Variants in IQCM observed in about 807,000 individuals in gnomAD.
IQCM encodes IQ motif containing M.
IQCM carries 45 observed loss-of-function variants against 57.6 expected under a neutral mutation model. The observed-to-expected ratio is 0.78, with a 90% CI of 0.62 to 1.00. The LOEUF (loss-of-function observed/expected upper bound fraction) is 1.00. Ranked by LOEUF, IQCM falls within the 50% of genes least tolerant of loss-of-function variation. IQCM has a pLI of 0.00. For missense variants in IQCM, 468 were observed against 511.6 expected (o/e 0.91, Z 0.82); for synonymous variants, 148 against 158.9 (o/e 0.93, Z 0.51).
intron 12 of IQCM, among the ~76,000 whole-genome samples, chr4:149,542,337 C>A (rs1161837776): frequency 1.3e-5 from 2 of 152,010 alleles, no homozygotes; most frequent in Admixed American, 6.6e-5. Context: ...TATTGCAAGG[C>A]ATTAAGCTAG....
At chr4:149,724,414 A>G (rs1765710829) in intron 5 of IQCM, among the ~76,000 whole-genome samples, 1 of 151,992 alleles carries the variant, frequency 6.6e-6, no homozygotes, top group African/African-American at 2.4e-5. Flanking sequence ...CTCATTTTAT[A>G]TATAAAGGAA....
At chr4:149,763,223 A>T (rs1769709150) in intron 2 of IQCM, among the ~76,000 whole-genome samples, 1 of 152,078 alleles carries the variant, frequency 6.6e-6, no homozygotes, top group Non-Finnish European at 1.5e-5. Flanking sequence ...GTATAGCATG[A>T]TTTATATGAC....
chr4:149,776,843 C>T, intron 2 of IQCM, among the ~76,000 whole-genome samples: 1 of 151,684 alleles, frequency 6.6e-6, no homozygotes, highest in East Asian at 1.9e-4. Context: ...ATTCAAGAGT[C>T]TATAATAAAA....
intron 12 of IQCM, among the ~76,000 whole-genome samples, chr4:149,525,697 G>A (rs1207444532): frequency 6.6e-6 from 1 of 151,734 alleles, no homozygotes; most frequent in Non-Finnish European, 1.5e-5. Context: ...TGTGTACCTT[G>A]GAGTTTGAAA....
chr4:149,468,595 A>T (rs1244160663), intron 12 of IQCM, among the ~76,000 whole-genome samples: 1 of 152,186 alleles, frequency 6.6e-6, no homozygotes, highest in African/African-American at 2.4e-5. Context: ...TGCAGATTAA[A>T]CATCCCTGTC....
intron 2 of IQCM, among the ~76,000 whole-genome samples, chr4:149,812,733 C>A (rs1774699746): frequency 6.6e-6 from 1 of 152,068 alleles, no homozygotes; most frequent in African/African-American, 2.4e-5. Context: ...TGCCCTTATA[C>A]CAGGTATAAA....
chr4:149,762,487 A>G (rs1199041698), intron 2 of IQCM, among the ~76,000 whole-genome samples: 1 of 152,030 alleles, frequency 6.6e-6, no homozygotes, highest in Non-Finnish European at 1.5e-5. Context: ...AAAGTAATGA[A>G]CAGAACAAGA....
intron 2 of IQCM, among the ~76,000 whole-genome samples, chr4:149,781,340 T>C (rs1771585441): frequency 6.6e-6 from 1 of 152,212 alleles, no homozygotes; most frequent in Non-Finnish European, 1.5e-5. Context: ...TTGAGTAGCA[T>C]GATGAAATCT....
chr4:149,417,813 CT>C (rs927761289), intron 13 of IQCM, among the ~76,000 whole-genome samples: 5 of 147,726 alleles, frequency 3.4e-5, no homozygotes, highest in Non-Finnish European at 5.9e-5. Context: ...CTCTATTTCC[CT>C]TTTTCCTTTT....
chr4:149,747,031 C>G (rs553605652), intron 2 of IQCM, among the ~76,000 whole-genome samples: 2 of 152,286 alleles, frequency 1.3e-5, no homozygotes, highest in African/African-American at 2.4e-5. Context: ...AAGTATAAGC[C>G]CCCTTCCACT....
chr4:149,721,725 G>A (rs955412404), intron 5 of IQCM, among the ~76,000 whole-genome samples: 9 of 152,000 alleles, frequency 5.9e-5, no homozygotes, highest in African/African-American at 2.2e-4. Flanking sequence ...CCATATCTTC[G>A]CAATTGTGAA....
chr4:149,745,940 C>A (rs1015400818), intron 2 of IQCM, among the ~76,000 whole-genome samples: 2 of 151,888 alleles, frequency 1.3e-5, no homozygotes, highest in Admixed American at 6.6e-5. Context: ...CCACTGCATT[C>A]CAGCCTGGGC....
At chr4:149,480,168 T>A (rs555024646) in intron 12 of IQCM, among the ~76,000 whole-genome samples, 2 of 152,268 alleles carry the variant, frequency 1.3e-5, no homozygotes, top group East Asian at 3.9e-4. Context: ...TTTTTTTTAG[T>A]TTTTTTCTTT....
At chr4:149,621,337 T>A in intron 7 of IQCM, 93 bp from the exon 8 acceptor site, 1 of 472,260 alleles carries the variant, frequency 2.1e-6, no homozygotes, top group Non-Finnish European at 3.4e-6. Context: ...GTAAAGCAAA[T>A]CATCTTTATG....
intron 12 of IQCM, among the ~76,000 whole-genome samples, chr4:149,494,011 T>C (rs769322475): frequency 1.4e-4 from 22 of 151,944 alleles, no homozygotes; most frequent in Admixed American, 8.5e-4. Flanking sequence ...GGTTCAAGCA[T>C]GTGGCTCTGT....
chr4:149,527,437 C>T (rs1746269059), intron 12 of IQCM, among the ~76,000 whole-genome samples: 1 of 152,182 alleles, frequency 6.6e-6, no homozygotes, highest in South Asian at 2.1e-4. Flanking sequence ...AAGAGCTCTT[C>T]CTTCTGCCAT....
chr4:149,562,962 C>T (rs1750271668), intron 10 of IQCM, among the ~76,000 whole-genome samples: 1 of 152,062 alleles, frequency 6.6e-6, no homozygotes, highest in African/African-American at 2.4e-5. Context: ...TAGTTGATTT[C>T]CCAAATTCCT....
At chr4:149,407,131 G>T (rs1733036211) in intron 13 of IQCM, among the ~76,000 whole-genome samples, 1 of 152,114 alleles carries the variant, frequency 6.6e-6, no homozygotes, top group African/African-American at 2.4e-5. Flanking sequence ...GATGAGAACA[G>T]TATGGGGGAA....
At chr4:149,561,236 T>C (rs958577150) in intron 10 of IQCM, among the ~76,000 whole-genome samples, 1 of 150,460 alleles carries the variant, frequency 6.6e-6, no homozygotes, top group African/African-American at 2.5e-5. Context: ...ATTTTCCTTA[T>C]CAATTAAATC....
Sources: gnomAD v4.1 joint callset for allele counts (sites outside exome capture counted in the v4.1 genomes callset) on GRCh38, gnomAD v4.1.1 for gene constraint, MANE v1.5 for transcripts, NCBI Gene and HGNC (gene_info 2026-07-23, HGNC 2026-07-21) for gene names.